The following NCAM1 variants were observed in gnomAD, a reference collection of about 807,000 sequenced individuals.
The protein encoded by NCAM1 is neural cell adhesion molecule 1.
NCAM1 carries 14 observed loss-of-function variants against 109.8 expected under a neutral mutation model. The ratio of observed to expected loss-of-function variants is 0.13; its 90% CI spans 0.08 to 0.20. The LOEUF is 0.20. Ranked by LOEUF, NCAM1 falls within the 10% of genes least tolerant of loss-of-function variation. The pLI is 1.00. For missense variants in NCAM1, 774 were observed against 1,109.9 expected (o/e 0.70, Z 4.30); for synonymous variants, 418 against 442.9 (o/e 0.94, Z 0.70).
At chr11:113,106,513 T>C (rs1940172317) in intron 1 of NCAM1, among the ~76,000 whole-genome samples, 1 of 152,224 alleles carries the variant, frequency 6.6e-6, no homozygotes, top group Admixed American at 6.5e-5. Context: ...TTTCCTTTAT[T>C]GTGACAGCTG....
At chr11:113,244,650 TGTGC>T (rs1555119803) in intron 14 of NCAM1, among the ~76,000 whole-genome samples, 17 of 49,656 alleles carry the variant, frequency 3.4e-4, no homozygotes, top group East Asian at 2.5e-3. Flanking sequence ...CTTCTGTGTG[TGTGC>T]GTGTGTGTGT....
chr11:112,983,163 T>C (rs1475920130), intron 1 of NCAM1, among the ~76,000 whole-genome samples: 2 of 152,024 alleles, frequency 1.3e-5, no homozygotes, highest in Admixed American at 1.3e-4. Context: ...CAATTCTTAT[T>C]CTCTTTTTAA....
chr11:113,167,188 G>A (rs2136417015), intron 1 of NCAM1, among the ~76,000 whole-genome samples: 1 of 152,332 alleles, frequency 6.6e-6, no homozygotes, highest in Admixed American at 6.5e-5. Flanking sequence ...GAACCCTGAA[G>A]CTTTTACTCT....
At chr11:113,085,378 T>C (rs1345054755) in intron 1 of NCAM1, among the ~76,000 whole-genome samples, 1 of 152,232 alleles carries the variant, frequency 6.6e-6, no homozygotes, top group Non-Finnish European at 1.5e-5. Context: ...TGTGCCTTCC[T>C]TTACCCTGCC....
At chr11:113,237,953 T>TATAGATAG (rs1555118630) in intron 14 of NCAM1, among the ~76,000 whole-genome samples, 1 of 90,656 alleles carries the variant, frequency 1.1e-5, no homozygotes. Context: ...TATATAGATA[T>TATAGATAG]ATAGATAGAT....
At chr11:113,126,210 A>G (rs1941171685) in intron 1 of NCAM1, among the ~76,000 whole-genome samples, 1 of 151,588 alleles carries the variant, frequency 6.6e-6, no homozygotes, top group African/African-American at 2.4e-5. Context: ...AACAACAACA[A>G]ATAATAATAA....
intron 8 of NCAM1, among the ~76,000 whole-genome samples, chr11:113,218,155 G>A (rs564232441): frequency 2.9e-4 from 44 of 152,324 alleles, no homozygotes; most frequent in Non-Finnish European, 6.0e-4. Flanking sequence ...CAATGCAGTC[G>A]TCATCTAACA....
intron 1 of NCAM1, among the ~76,000 whole-genome samples, chr11:113,063,367 AC>A (rs1937772427): frequency 6.6e-6 from 1 of 152,188 alleles, no homozygotes; most frequent in South Asian, 2.1e-4. Flanking sequence ...GCTCTCTGCC[AC>A]TGCCTAGCCT....
intron 1 of NCAM1, among the ~76,000 whole-genome samples, chr11:113,094,555 C>T (rs1555089980): frequency 6.6e-6 from 1 of 152,180 alleles, no homozygotes; most frequent in Non-Finnish European, 1.5e-5. Context: ...CTGCATTTCT[C>T]ACTCCTCCTC....
intron 1 of NCAM1, among the ~76,000 whole-genome samples, chr11:113,025,614 A>G (rs1555077065): frequency 6.6e-6 from 1 of 152,070 alleles, no homozygotes; most frequent in Non-Finnish European, 1.5e-5. Flanking sequence ...GGGGTGGGTG[A>G]ACAAAGAAAG....
intron 9 of NCAM1, among the ~76,000 whole-genome samples, chr11:113,224,019 G>A (rs1030387912): frequency 5.9e-5 from 9 of 152,202 alleles, no homozygotes; most frequent in Non-Finnish European, 1.0e-4. Context: ...CGCAGAAGAC[G>A]GATGATTTCT....
In NCAM1 at chr11:113,162,349, G is replaced by A. The variant is rs527313574; in HGVS notation, c.53-40030G>A. Among the ~76,000 whole-genome samples, 12 of 152,230 alleles carry A rather than the reference G, an allele frequency of 7.9e-5. No homozygotes were observed. In the South Asian group the frequency reaches 2.5e-3, roughly 32 times the overall value. ...AAAATGAAAAAAAAATCCCATCTCA[G>A]GCTCCAGGTGCCTGCTGCAGTGTAG... is the stretch of plus-strand genomic sequence containing the variant. On this transcript the variant is annotated intron_variant, in intron 1 of 19. Transcript: ENST00000316851.
chr11:113,006,899 A>G (rs1377225567), intron 1 of NCAM1, among the ~76,000 whole-genome samples: 2 of 152,192 alleles, frequency 1.3e-5, no homozygotes, highest in Non-Finnish European at 2.9e-5. Flanking sequence ...CATAGCTGTG[A>G]TATTTAAAGG....
chr11:113,188,165 G>A (rs1181747333), intron 1 of NCAM1, among the ~76,000 whole-genome samples: 1 of 152,170 alleles, frequency 6.6e-6, no homozygotes, highest in Non-Finnish European at 1.5e-5. Context: ...AGAGCCAAAG[G>A]GGAATGAAGG....
At chr11:113,062,180 C>T (rs1249168353) in intron 1 of NCAM1, among the ~76,000 whole-genome samples, 2 of 152,222 alleles carry the variant, frequency 1.3e-5, no homozygotes, top group Non-Finnish European at 2.9e-5. Context: ...GCAACCATCA[C>T]TTCTATGTAG....
In NCAM1 at chr11:113,166,022, G is replaced by A. The variant is rs533052975; in HGVS notation, c.53-36357G>A. Among the ~76,000 whole-genome samples, 51 of 151,516 alleles carry A rather than the reference G, an allele frequency of 3.4e-4. 1 individual carries two copies. Among genetic ancestry groups the A allele is most frequent in the African/African-American group, 1.2e-3 (50 of 41,192 alleles). ...ATTTTTACTTATTTTTAGTAGAGAC[G>A]GGGTTTCACCGTGTTAGCCAGGGTG... On this transcript the variant is annotated intron_variant, in intron 1 of 19. Transcript: ENST00000316851.
intron 1 of NCAM1, among the ~76,000 whole-genome samples, chr11:113,117,715 T>G (rs1369640522): frequency 6.6e-6 from 1 of 152,070 alleles, no homozygotes; most frequent in Non-Finnish European, 1.5e-5. Flanking sequence ...TCATACCACT[T>G]ATAAATCTGT....
intron 1 of NCAM1, among the ~76,000 whole-genome samples, chr11:113,013,626 AT>A (rs1228069229): frequency 6.6e-6 from 1 of 151,788 alleles, no homozygotes; most frequent in Non-Finnish European, 1.5e-5. Context: ...TCTATGGGAG[AT>A]TTTTTTTAAA....
At chr11:113,128,839 G>T (rs1412515029) in intron 1 of NCAM1, among the ~76,000 whole-genome samples, 1 of 151,958 alleles carries the variant, frequency 6.6e-6, no homozygotes, top group Non-Finnish European at 1.5e-5. Flanking sequence ...TGTCACTGGG[G>T]ACAGCTGGAA....
Sources: gnomAD v4.1 joint callset for allele counts (sites outside exome capture counted in the v4.1 genomes callset) on GRCh38, gnomAD v4.1.1 for gene constraint, MANE v1.5 for transcripts, NCBI Gene and HGNC (gene_info 2026-07-23, HGNC 2026-07-21) for gene names.